Variants in AIMP2 observed in about 807,000 individuals in gnomAD.
AIMP2 encodes the protein aminoacyl tRNA synthase complex-interacting multifunctional protein 2.
Under a neutral mutation model 23.4 loss-of-function variants are expected in AIMP2, and 20 were observed. The observed-to-expected ratio is 0.85, with a 90% confidence interval of 0.60 to 1.24. The LOEUF is 1.24. AIMP2 is among the 50% of genes most tolerant of loss of function. The pLI, the probability that AIMP2 is intolerant of heterozygous loss-of-function variation, is 0.00. For missense variants in AIMP2, 515 were observed against 414.5 expected (o/e 1.24, Z -2.10); for synonymous variants, 210 against 170.4 (o/e 1.23, Z -1.81).
intron 3 of AIMP2, 30 bp from the exon 4 acceptor site, chr7:6,023,273 G>A: frequency 6.4e-7 from 1 of 1,557,992 alleles, no homozygotes; most frequent in East Asian, 2.2e-5. Context: ...CTGCTCTGGT[G>A]ATGCTACCTG....
At chr7:6,015,095 A>G (rs1786936631) in intron 1 of AIMP2, 51 bp from the exon 2 acceptor site, 1 of 1,612,618 alleles carries the variant, frequency 6.2e-7, no homozygotes, top group Non-Finnish European at 8.5e-7. Context: ...AATTTAAACA[A>G]CACTGGTCTG....
At chr7:6,021,018 C>G (rs117070642) in intron 3 of AIMP2, among the ~76,000 whole-genome samples, 1 of 152,136 alleles carries the variant, frequency 6.6e-6, no homozygotes, top group African/African-American at 2.4e-5. Flanking sequence ...CCATTGATGC[C>G]TTGTCCTTGA....
intron 3 of AIMP2, among the ~76,000 whole-genome samples, chr7:6,018,993 TACA>T (rs1787214792): frequency 1.1e-5 from 1 of 89,730 alleles, no homozygotes; most frequent in Non-Finnish European, 2.4e-5. Context: ...ACACACACAA[TACA>T]TGGCACCACT....
In AIMP2 at chr7:6,015,221, G is replaced by A; in HGVS notation, c.211G>A (p.Ala71Thr). The change falls in exon 2 of 4, where the codon GCT (alanine) becomes ACT (threonine). Residue 71 changes from alanine (A) to threonine (T), a missense_variant. Transcript: ENST00000223029. ...TTTAAAACGTCTGTATGAGTTGAAA[G>A]CTGCAGTTGATGGCCTCTCCAAGAT... ...DILKRLYELK[A>T]AVDGLSKMIQ... is the part of the protein sequence containing the mutation. 3 of 1,614,208 alleles carry A rather than the reference G, an allele frequency of 1.9e-6. No homozygotes were observed. The highest frequency in any genetic ancestry group is 2.5e-6 in the Non-Finnish European group (3 of 1,180,034).
chr7:6,009,564 C>T (rs570170391), intron 1 of AIMP2, 66 bp downstream of exon 1: 5 of 1,344,700 alleles, frequency 3.7e-6, no homozygotes, highest in East Asian at 6.2e-5. Flanking sequence ...CGGGTCCCCC[C>T]AGGCCGGAGC....
chr7:6,020,835 A>T (rs1787350097), intron 3 of AIMP2, among the ~76,000 whole-genome samples: 2 of 152,220 alleles, frequency 1.3e-5, no homozygotes, highest in South Asian at 4.1e-4. Flanking sequence ...GATTGAAGGC[A>T]CGCAGGGCTA....
At chr7:6,017,522 C>CAA (rs58136223) in intron 2 of AIMP2, among the ~76,000 whole-genome samples, 24,675 of 126,808 alleles carry the variant, frequency 0.19, 2,333 homozygotes, top group Middle Eastern at 0.25. Flanking sequence ...GACTCTGTCT[C>CAA]AAAAAAAAAA....
chr7:6,015,292 A>G lies in AIMP2; in HGVS notation c.282A>G (p.Gln94=), dbSNP rs374710868. 2 of 1,614,092 alleles carry G rather than the reference A, an allele frequency of 1.2e-6. No homozygotes were observed. The highest frequency in any genetic ancestry group is 2.7e-5 in the African/African-American group (2 of 74,930). ...ACTTGGATGTAACCAACATAATCCA[A>G]GCGGATGAGCCCACGACTTTAACCA... ...DADLDVTNII[Q]ADEPTTLTTN... is the part of the protein sequence containing the mutation. Residue 94 remains glutamine, a synonymous_variant, in exon 2 of 4, where the codon CAA becomes CAG. Transcript: ENST00000223029.
At chr7:6,021,451 G>T (rs574399692) in intron 3 of AIMP2, among the ~76,000 whole-genome samples, 1 of 152,050 alleles carries the variant, frequency 6.6e-6, no homozygotes, top group Non-Finnish European at 1.5e-5. Flanking sequence ...AGCCATCATG[G>T]TGAAACAGTA....
At position 6,015,023 on chromosome 7, in the gene AIMP2, A is replaced by T. The variant is rs939337839; in HGVS notation, c.136-123A>T. 8.4e-6 allele frequency: 13 copies of T among 1,539,200 alleles called. No homozygotes were observed. In the African/African-American group the frequency reaches 1.8e-4, roughly 21 times the overall value. ...GCGTGAGCCACCACACCCAGCCCAT[A>T]ATGTCTTCTTTTAAAGGGTGGGAGG... On this transcript the variant is annotated intron_variant, in intron 1 of 3. Coordinates refer to ENST00000223029, the MANE Select transcript of AIMP2 (RefSeq NM_006303.4).
intron 1 of AIMP2, chr7:6,012,530 G>A (rs1040808681): frequency 1.1e-5 from 2 of 187,190 alleles, no homozygotes; most frequent in South Asian, 7.7e-5. Flanking sequence ...TACACATACA[G>A]TACTTCAGAC....
In AIMP2 at chr7:6,015,273, A is replaced by T; in HGVS notation, c.263A>T (p.Asp88Val). 1 of 1,614,200 alleles carries T rather than the reference A, an allele frequency of 6.2e-7. No individual in the cohort carries two copies. Among genetic ancestry groups the T allele is most frequent in the South Asian group, 1.1e-5 (1 of 91,086 alleles). The change falls in exon 2 of 4, where the codon GAT becomes GTT. Residue 88 changes from aspartate (D) to valine (V), a missense_variant. Asp to Val is a radical substitution (Grantham distance 152, BLOSUM62 -3). Coordinates refer to ENST00000223029, the MANE Select transcript of AIMP2 (RefSeq NM_006303.4). The part of the protein sequence containing the change: ...KMIQTPDADL[D>V]VTNIIQADEP... ...ATTCAAACACCAGATGCAGACTTGGATGTAACCAACATAATCCAAGCGGAT... is the reference window on the plus strand; with the variant it reads ...ATTCAAACACCAGATGCAGACTTGGTTGTAACCAACATAATCCAAGCGGAT...
chr7:6,009,974 A>AAAAAAAAATATATATATATAT, intron 1 of AIMP2, among the ~76,000 whole-genome samples: 2 of 26,674 alleles, frequency 7.5e-5, no homozygotes, highest in Admixed American at 4.1e-4. Context: ...AAAAAAAAAA[A>AAAAAAAAATATATATATATAT]ATATATATAT....
intron 3 of AIMP2, among the ~76,000 whole-genome samples, chr7:6,020,986 G>T (rs1340302127): frequency 6.6e-6 from 1 of 152,186 alleles, no homozygotes; most frequent in African/African-American, 2.4e-5. Context: ...GTCTGGACAA[G>T]AACGCTTTTT....
intron 3 of AIMP2, among the ~76,000 whole-genome samples, chr7:6,018,321 T>A (rs1397581549): frequency 2.7e-5 from 4 of 150,632 alleles, no homozygotes; most frequent in East Asian, 2.0e-4. Flanking sequence ...TAATTTTTTT[T>A]ATATTTTTAG....
Position 6,018,903 on chromosome 7 carries a change from G to T in AIMP2, c.574+858G>T, listed in dbSNP as rs185036162. On this transcript the variant is annotated intron_variant, in intron 3 of 3. Transcript: ENST00000223029. ...TGAGGCATAAAATATTTACATACTA[G>T]TCTATTATTTACATACACAAAATAT... is the stretch of plus-strand genomic sequence containing the variant. Among the ~76,000 whole-genome samples, 4 of 151,530 alleles carry T rather than the reference G, an allele frequency of 2.6e-5. No individual in the cohort carries two copies. The East Asian group carries it at 5.8e-4, about 22-fold the overall frequency.
intron 1 of AIMP2, chr7:6,012,691 C>A: frequency 2.4e-6 from 1 of 425,036 alleles, no homozygotes; most frequent in Non-Finnish European, 4.4e-6. Flanking sequence ...TCTCCAGTAG[C>A]TGGGATTACA....
rs746957944 is a variant in AIMP2 at position 6,009,324 on chromosome 7, G to A, written c.-40G>A. 2 of 1,611,626 alleles carry A rather than the reference G, an allele frequency of 1.2e-6. No homozygotes were observed. Among genetic ancestry groups the A allele is most frequent in the Non-Finnish European group, 1.7e-6 (2 of 1,179,974 alleles). ...GACCTCTGACGGTTTCTGAGCGTTG[G>A]CCTTTGGCACGCGCTACCCCCTTTT... is the stretch of plus-strand genomic sequence containing the variant. On this transcript the variant is annotated 5_prime_UTR_variant, in exon 1 of 4. Transcript: ENST00000223029.
chr7:6,020,759 A>C (rs186823574), intron 3 of AIMP2, among the ~76,000 whole-genome samples: 60 of 152,332 alleles, frequency 3.9e-4, no homozygotes, highest in Non-Finnish European at 4.6e-4. Flanking sequence ...AAACTGCCCT[A>C]ATCTGGGGGC....
Sources: allele counts gnomAD v4.1 joint callset (sites outside exome capture counted in the v4.1 genomes callset), GRCh38; gene constraint gnomAD v4.1.1; transcripts MANE v1.5; gene names NCBI Gene and HGNC (gene_info 2026-07-23, HGNC 2026-07-21).